The following ZNF718 variants were observed in gnomAD, a reference collection of about 807,000 sequenced individuals.
ZNF718 encodes zinc finger protein 718.
In ZNF718, 3 loss-of-function variants were observed where a neutral mutation model predicts 2.6. That is an observed-to-expected ratio of 1.16 (90% CI 0.53 to 3.01). The LOEUF is 3.01. ZNF718 is among the 30% of genes most tolerant of loss of function. The pLI, the probability that ZNF718 is intolerant of heterozygous loss-of-function variation, is 0.03. For synonymous variants in ZNF718, 135 were observed against 77.9 expected (o/e 1.73, Z -3.86); for missense variants, 468 against 230.0 (o/e 2.03, Z -6.69).
At chr4:183,687 C>A (rs1553820120) in intron 3 of ZNF718, among the ~76,000 whole-genome samples, 2 of 151,984 alleles carry the variant, frequency 1.3e-5, no homozygotes, top group Non-Finnish European at 2.9e-5. Flanking sequence ...TTATTTGAAC[C>A]ATGGCCTTTA....
chr4:176,563 C>G (rs4130849), intron 3 of ZNF718, among the ~76,000 whole-genome samples: 1 of 152,092 alleles, frequency 6.6e-6, no homozygotes, highest in Non-Finnish European at 1.5e-5. Context: ...TAAATATTCC[C>G]GATACCAAAT....
At chr4:176,281 T>G (rs1553819077) in intron 3 of ZNF718, among the ~76,000 whole-genome samples, 1 of 152,172 alleles carries the variant, frequency 6.6e-6, no homozygotes, top group Non-Finnish European at 1.5e-5. Context: ...CAACTTAGTT[T>G]CACTTACCAT....
intron 3 of ZNF718, among the ~76,000 whole-genome samples, chr4:197,784 T>C (rs189052906): frequency 1.3e-5 from 2 of 152,250 alleles, no homozygotes; most frequent in African/African-American, 4.8e-5. Context: ...ATGAGTAATA[T>C]GTTGTGTTTC....
chr4:194,391 C>A (rs1167696675), intron 3 of ZNF718, among the ~76,000 whole-genome samples: 2 of 152,180 alleles, frequency 1.3e-5, no homozygotes, highest in Non-Finnish European at 2.9e-5. Context: ...TCTCCTATCA[C>A]AAAAATTAGT....
chr4:177,674 C>T (rs530920239), intron 3 of ZNF718, among the ~76,000 whole-genome samples: 1 of 152,158 alleles, frequency 6.6e-6, no homozygotes, highest in Admixed American at 6.5e-5. Context: ...AAAACTGTGT[C>T]CCTACACATT....
rs565258443 is a variant in ZNF718 at position 124,515 on chromosome 4, G to A, written c.-156G>A. 1.6e-4 allele frequency: 168 copies of A among 1,061,006 alleles called. No homozygotes were observed. In the African/African-American group the frequency reaches 2.3e-3, roughly 15 times the overall value. The allele number at this position is 1,061,006 out of a possible 1,614,324, so 65.7% of individuals were successfully genotyped here. ...GGATCTGGCGCGGCTTTTGCTTGTA[G>A]CTCCAGCCAGAGCTCGGTTAGGGCC... is the stretch of plus-strand genomic sequence containing the variant. On this transcript the variant is annotated 5_prime_UTR_variant, in exon 1 of 4. Transcript: ENST00000510175.
intron 3 of ZNF718, among the ~76,000 whole-genome samples, chr4:193,384 C>A (rs2108817169): frequency 6.6e-6 from 1 of 152,256 alleles, no homozygotes; most frequent in South Asian, 2.1e-4. Context: ...AATTCCCTTT[C>A]TCTCCATATT....
rs1477901433 is a variant in ZNF718 at position 188,247 on chromosome 4, G to A, written c.227-12834G>A. On this transcript the variant is annotated intron_variant and NMD_transcript_variant, in intron 3 of 4. Coordinates refer to the ZNF718 transcript ENST00000642529. ...GAAGACTCATCCAGCGAGGATAATG[G>A]ATTGGGTTTTTATTTGAAGAAGCAG... 2.0e-5 allele frequency among the ~76,000 whole-genome samples: 3 copies of A among 152,216 alleles called. No homozygotes were observed. In the East Asian group the frequency reaches 5.8e-4, roughly 29 times the overall value.
chr4:151,642 T>A (rs1716327834), intron 3 of ZNF718, among the ~76,000 whole-genome samples: 1 of 151,960 alleles, frequency 6.6e-6, no homozygotes. Context: ...CATCATGCCG[T>A]ACTCATTTTG....
chr4:126,872 G>A (rs1241040892), intron 1 of ZNF718, among the ~76,000 whole-genome samples: 2 of 151,508 alleles, frequency 1.3e-5, no homozygotes, highest in South Asian at 2.1e-4. Flanking sequence ...GTGTCGCCAG[G>A]CTGGAGTGCA....
chr4:191,050 TA>T (rs1381673947), intron 3 of ZNF718, among the ~76,000 whole-genome samples: 2 of 151,444 alleles, frequency 1.3e-5, no homozygotes, highest in Admixed American at 1.3e-4. Flanking sequence ...AAAATATATA[TA>T]TATTTTTTTC....
chr4:164,238 A>G (rs1461733401), downstream of ZNF718, among the ~76,000 whole-genome samples: 1 of 152,132 alleles, frequency 6.6e-6, no homozygotes, highest in Non-Finnish European at 1.5e-5. Context: ...GGAGATAAAT[A>G]TATAAACATA....
chr4:182,624 G>C (rs1283614497), intron 3 of ZNF718, among the ~76,000 whole-genome samples: 2 of 151,922 alleles, frequency 1.3e-5, no homozygotes, highest in African/African-American at 2.4e-5. Context: ...AGTAGAAATG[G>C]GGTTTCACCA....
chr4:137,765 TA>T (rs60125041), intron 3 of ZNF718, among the ~76,000 whole-genome samples: 27,562 of 151,848 alleles, frequency 0.18, 2,646 homozygotes, highest in Admixed American at 0.26. Flanking sequence ...TTTTTTTTCT[TA>T]CTCGGGACTG....
chr4:148,921 G>T (rs189664126), intron 3 of ZNF718, among the ~76,000 whole-genome samples: 1 of 152,110 alleles, frequency 6.6e-6, no homozygotes, highest in Non-Finnish European at 1.5e-5. Context: ...TATTTCATTC[G>T]GTAGCTGGGA....
chr4:171,595 G>A (rs1717233501), intron 3 of ZNF718, among the ~76,000 whole-genome samples: 2 of 152,164 alleles, frequency 1.3e-5, no homozygotes, highest in Admixed American at 1.3e-4. Flanking sequence ...ATCTCAGACT[G>A]CTGTGCTAGC....
chr4:173,348 G>A (rs935536401), intron 3 of ZNF718, among the ~76,000 whole-genome samples: 1 of 152,050 alleles, frequency 6.6e-6, no homozygotes, highest in East Asian at 1.9e-4. Context: ...TATTTCACTC[G>A]TTTAGTTTCC....
intron 1 of ZNF718, 22 bp from the exon 2 acceptor site, chr4:130,766 C>A: frequency 3.0e-6 from 1 of 330,216 alleles, no homozygotes; most frequent in Non-Finnish European, 5.4e-6. Context: ...AATTCTGTCA[C>A]TTGATAAATG....
intron 3 of ZNF718, among the ~76,000 whole-genome samples, chr4:159,836 A>G (rs1047423322): frequency 6.6e-6 from 1 of 152,154 alleles, no homozygotes; most frequent in Non-Finnish European, 1.5e-5. Flanking sequence ...TATTTTGCCT[A>G]CATTGTAATA....
Sources: gnomAD v4.1 joint callset for allele counts (sites outside exome capture counted in the v4.1 genomes callset) on GRCh38, gnomAD v4.1.1 for gene constraint, MANE v1.5 for transcripts, NCBI Gene and HGNC (gene_info 2026-07-23, HGNC 2026-07-21) for gene names.